The following RAC1 variants were observed in gnomAD, a reference collection of about 807,000 sequenced individuals.
The protein encoded by RAC1 is ras-related C3 botulinum toxin substrate 1.
In RAC1, 2 loss-of-function variants were observed where a neutral mutation model predicts 25.2. The ratio of observed to expected loss-of-function variants is 0.08; its 90% CI spans 0.03 to 0.25. The LOEUF (loss-of-function observed/expected upper bound fraction) is 0.25. Among genes scored for constraint, RAC1 ranks in the 10% least tolerant of loss-of-function variants. RAC1 has a pLI of 1.00. For synonymous variants in RAC1, 88 were observed against 94.0 expected (o/e 0.94, Z 0.37); for missense variants, 50 against 235.7 (o/e 0.21, Z 5.16).
chr7:6,379,541 C>G (rs1371456366), intron 1 of RAC1, among the ~76,000 whole-genome samples: 1 of 152,014 alleles, frequency 6.6e-6, no homozygotes, highest in Non-Finnish European at 1.5e-5. Context: ...TCAAAAAGTA[C>G]TGGGATTACA....
Position 6,385,798 on chromosome 7 carries a change from A to G in RAC1, c.36-1414A>G, listed in dbSNP as rs566113619. On this transcript the variant is annotated intron_variant, in intron 1 of 5. Coordinates refer to ENST00000348035, the MANE Select transcript of RAC1 (RefSeq NM_006908.5). Reference sequence around the variant, plus strand: ...ATAGTAGTTGAGATTGAACGACAAAAATCTTAAAATTATGATGCTGATGTG... The same window carrying G: ...ATAGTAGTTGAGATTGAACGACAAAGATCTTAAAATTATGATGCTGATGTG... 5.3e-5 allele frequency among the ~76,000 whole-genome samples: 8 copies of G among 152,294 alleles called. No individual in the cohort carries two copies. In the East Asian group the frequency reaches 1.5e-3, roughly 29 times the overall value.
intron 3 of RAC1, among the ~76,000 whole-genome samples, chr7:6,399,524 A>G (rs894385702): frequency 2.6e-5 from 4 of 152,204 alleles, no homozygotes; most frequent in Admixed American, 1.3e-4. Flanking sequence ...CCTCTGCGTC[A>G]GCCACAGCTG....
intron 2 of RAC1, among the ~76,000 whole-genome samples, chr7:6,390,096 C>CCTTTTTTTTTTTTTTT (rs1554263519): frequency 1.3e-5 from 1 of 74,924 alleles, no homozygotes. Context: ...CCCTCCCTCC[C>CCTTTTTTTTTTTTTTT]TTTTTTTTTT....
At chr7:6,377,127 T>C (rs574076724) in intron 1 of RAC1, among the ~76,000 whole-genome samples, 9 of 152,200 alleles carry the variant, frequency 5.9e-5, no homozygotes, top group East Asian at 1.9e-4. Context: ...GGTACTGTTA[T>C]TGCGGTTTCT....
At chr7:6,384,333 C>T (rs1339350402) in intron 1 of RAC1, among the ~76,000 whole-genome samples, 1 of 152,168 alleles carries the variant, frequency 6.6e-6, no homozygotes, top group African/African-American at 2.4e-5. Context: ...CCCTGGCGTC[C>T]TCAGGCTTCC....
At chr7:6,391,860 G>A in intron 2 of RAC1, 64 bp from the exon 3 acceptor site, 1 of 1,609,630 alleles carries the variant, frequency 6.2e-7, no homozygotes, top group Non-Finnish European at 8.5e-7. Context: ...ACCTTCTCTA[G>A]GATGGCTGGG....
At position 6,402,909 on chromosome 7, in the gene RAC1, G is replaced by C; in HGVS notation, c.*463G>C. 1 of 192,754 alleles carries C rather than the reference G, an allele frequency of 5.2e-6. No homozygotes were observed. The highest frequency in any genetic ancestry group is 1.9e-3 in the Middle Eastern group (1 of 526). 11.9% of individuals were successfully genotyped at this position (192,754 alleles called of 1,614,324 possible). A position where few individuals can be genotyped will look rare whatever the true frequency, so the allele number is the denominator to read the frequency against. On this transcript the variant is annotated 3_prime_UTR_variant, in exon 6 of 6. Transcript: ENST00000348035. ...ATGTAGTTCTCAGATGCGTAAAGCA[G>C]AACAGCCTCCCGAATGAAGCGTTGC...
chr7:6,377,972 T>C (rs1452693484), intron 1 of RAC1, among the ~76,000 whole-genome samples: 1 of 152,164 alleles, frequency 6.6e-6, no homozygotes, highest in East Asian at 1.9e-4. Flanking sequence ...GCCTGGACCA[T>C]GGCAGTGTCC....
Position 6,374,656 on chromosome 7 carries a change from G to C in RAC1, c.-80G>C. 1 of 976,764 alleles carries C rather than the reference G, an allele frequency of 1.0e-6. No individual in the cohort carries two copies. The allele number at this position is 976,764 out of a possible 1,614,324, so 60.5% of individuals were successfully genotyped here. A position where few individuals can be genotyped will look rare whatever the true frequency, so the allele number is the denominator to read the frequency against. ...GCGCCCCGCCGCCCGCAAGCCGCGC[G>C]CCCGTCCGCCGCGCCCCGAGCCCGC... On this transcript the variant is annotated 5_prime_UTR_variant, in exon 1 of 6. Transcript: ENST00000348035.
intron 3 of RAC1, among the ~76,000 whole-genome samples, chr7:6,395,257 C>G (rs376981134): frequency 6.6e-6 from 1 of 152,182 alleles, no homozygotes; most frequent in South Asian, 2.1e-4. Context: ...TGAGCCACTA[C>G]GCCTGGCCAG....
At chr7:6,377,982 CT>C (rs1295969979) in intron 1 of RAC1, among the ~76,000 whole-genome samples, 1 of 152,130 alleles carries the variant, frequency 6.6e-6, no homozygotes, top group East Asian at 1.9e-4. Context: ...TGGCAGTGTC[CT>C]TTCAGGCTGT....
chr7:6,390,059 T>G (rs1236885185), intron 2 of RAC1, among the ~76,000 whole-genome samples: 1 of 133,854 alleles, frequency 7.5e-6, no homozygotes, highest in African/African-American at 2.8e-5. Flanking sequence ...CCTTCTCCTT[T>G]CTTTTCCCCT....
At chr7:6,401,840 A>T (rs757425003) in intron 4 of RAC1, 28 bp from the exon 5 acceptor site, 1 of 1,599,120 alleles carries the variant, frequency 6.3e-7, no homozygotes, top group South Asian at 1.1e-5. Context: ...GGAGCGTGTC[A>T]CAACCTCTGT....
At chr7:6,381,639 C>G (rs987896444) in intron 1 of RAC1, among the ~76,000 whole-genome samples, 6 of 152,170 alleles carry the variant, frequency 3.9e-5, no homozygotes, top group Non-Finnish European at 8.8e-5. Flanking sequence ...AGACAGTCCG[C>G]CCACCTTGCC....
chr7:6,398,036 G>T (rs1052833420), intron 3 of RAC1, among the ~76,000 whole-genome samples: 1 of 152,198 alleles, frequency 6.6e-6, no homozygotes, highest in South Asian at 2.1e-4. Context: ...CTACAAAGTA[G>T]CCCAGAATTG....
intron 1 of RAC1, among the ~76,000 whole-genome samples, chr7:6,382,896 G>A (rs530019727): frequency 5.1e-4 from 77 of 152,188 alleles, no homozygotes; most frequent in Non-Finnish European, 8.7e-4. Context: ...ATGGAAAAAT[G>A]AAGAACATAA....
intron 3 of RAC1, among the ~76,000 whole-genome samples, chr7:6,397,765 A>T (rs1783285866): frequency 1.3e-5 from 2 of 152,154 alleles, no homozygotes; most frequent in Admixed American, 6.6e-5. Flanking sequence ...AGGTGGGTGG[A>T]GCACCTGAGG....
chr7:6,383,934 C>T (rs929348620), intron 1 of RAC1, among the ~76,000 whole-genome samples: 1 of 151,408 alleles, frequency 6.6e-6, no homozygotes, highest in Non-Finnish European at 1.5e-5. Flanking sequence ...TCCCGAGTAG[C>T]TGGGATTACA....
chr7:6,400,004 C>T (rs1783350374), intron 3 of RAC1, 122 bp from the exon 4 acceptor site: 1 of 889,046 alleles, frequency 1.1e-6, no homozygotes, highest in Non-Finnish European at 1.9e-6. Flanking sequence ...AAGCGTCTGA[C>T]CACACCACTG....
Sources: allele counts gnomAD v4.1 joint callset (sites outside exome capture counted in the v4.1 genomes callset), GRCh38; gene constraint gnomAD v4.1.1; transcripts MANE v1.5; gene names NCBI Gene and HGNC (gene_info 2026-07-23, HGNC 2026-07-21).